The following SLC14A2 variants were observed in gnomAD, a reference collection of about 807,000 sequenced individuals.
The protein encoded by SLC14A2 is urea transporter 2.
SLC14A2 carries 91 observed loss-of-function variants against 104.6 expected under a neutral mutation model. The ratio of observed to expected loss-of-function variants is 0.87; its 90% CI spans 0.73 to 1.04. The LOEUF is 1.04. Among genes scored for constraint, SLC14A2 ranks in the 50% least tolerant of loss-of-function variants. SLC14A2 has a pLI of 0.00. For missense variants in SLC14A2, 1,189 were observed against 1,156.0 expected, an observed-to-expected ratio of 1.03 and a Z score of -0.41; for synonymous variants, 476 against 466.4, an observed-to-expected ratio of 1.02 and a Z score of -0.27.
intron 1 of SLC14A2, among the ~76,000 whole-genome samples, chr18:45,399,157 G>A (rs768943989): frequency 7.9e-5 from 12 of 152,172 alleles, no homozygotes; most frequent in African/African-American, 2.7e-4. Context: ...AGAAACTAAC[G>A]CATGTTCACA....
At chr18:45,560,241 G>A (rs2044183994) in intron 2 of SLC14A2, among the ~76,000 whole-genome samples, 1 of 152,156 alleles carries the variant, frequency 6.6e-6, no homozygotes, top group African/African-American at 2.4e-5. Flanking sequence ...ACCAGCCAAG[G>A]TGTATTATCT....
At chr18:45,475,636 A>C (rs1218441219) in intron 1 of SLC14A2, among the ~76,000 whole-genome samples, 14 of 41,688 alleles carry the variant, frequency 3.4e-4, no homozygotes, top group Admixed American at 6.2e-4. Context: ...ATATATATAT[A>C]TTTAGGATAT....
At chr18:45,654,092 A>G (rs1452296483) in intron 10 of SLC14A2, among the ~76,000 whole-genome samples, 1 of 151,418 alleles carries the variant, frequency 6.6e-6, no homozygotes, top group South Asian at 2.1e-4. Flanking sequence ...AGCTGAAGCT[A>G]GTCCTCCCCA....
rs2043131582 is a variant in SLC14A2, at chr18:45,498,123, TTAAAAA to T, written c.-35+14804_-35+14809del. 5.9e-5 allele frequency among the ~76,000 whole-genome samples: 9 copies of T among 152,258 alleles called. No homozygotes were observed. In the South Asian group the frequency reaches 1.9e-3, roughly 32 times the overall value. On this transcript the variant is annotated intron_variant, in intron 2 of 20. Transcript: ENST00000586448. ...TGTCCAAGGACCAGAAAAAAAAACT[TTAAAAA>T]TAGAAAGTGACAAATATAATCTATT... is the stretch of plus-strand genomic sequence containing the variant.
intron 1 of SLC14A2, among the ~76,000 whole-genome samples, chr18:45,302,988 T>C (rs1430528135): frequency 6.6e-6 from 1 of 151,890 alleles, no homozygotes; most frequent in Non-Finnish European, 1.5e-5. Flanking sequence ...TCTTAGGTTG[T>C]GGTTGATCAA....
intron 10 of SLC14A2, among the ~76,000 whole-genome samples, chr18:45,662,475 T>C (rs2045951190): frequency 6.6e-6 from 1 of 152,176 alleles, no homozygotes. Flanking sequence ...GCTGGAGATC[T>C]TGTTAAAAGC....
At position 45,644,172 on chromosome 18, in the gene SLC14A2, T is replaced by C; in HGVS notation, c.1351+12T>C. On this transcript the variant is annotated intron_variant, in intron 10 of 19. Transcript: ENST00000255226. ...GAAGGCCCCCAGCGGTGAATAGCCA[T>C]GTTCGGGGAAGAAACGCTCTTTGCC... The C allele has an allele frequency of 1.9e-6, 3 of 1,613,772 alleles. No individual in the cohort carries two copies. Among genetic ancestry groups the C allele is most frequent in the South Asian group, 1.1e-5 (1 of 91,052 alleles).
At chr18:45,645,630 C>T (rs369088096) in intron 10 of SLC14A2, among the ~76,000 whole-genome samples, 74 of 8,266 alleles carry the variant, frequency 9.0e-3, no homozygotes, top group Non-Finnish European at 0.013. Flanking sequence ...TATACATATA[C>T]AAAGATATAT....
At chr18:45,289,083 C>T (rs1335241034) in intron 1 of SLC14A2, among the ~76,000 whole-genome samples, 1 of 152,196 alleles carries the variant, frequency 6.6e-6, no homozygotes, top group Non-Finnish European at 1.5e-5. Flanking sequence ...TCTCAGCCAC[C>T]TCAACAAGAA....
At chr18:45,272,654 C>CA (rs2084662737) in intron 1 of SLC14A2, among the ~76,000 whole-genome samples, 1 of 151,680 alleles carries the variant, frequency 6.6e-6, no homozygotes, top group Non-Finnish European at 1.5e-5. Context: ...TTAATGGGTA[C>CA]AAAAAATAGA....
At chr18:45,475,119 C>G (rs1401757047) in intron 1 of SLC14A2, among the ~76,000 whole-genome samples, 1 of 152,092 alleles carries the variant, frequency 6.6e-6, no homozygotes, top group Admixed American at 6.6e-5. Context: ...TTATTTCTGC[C>G]TTAATTTCGT....
chr18:45,489,001 G>T (rs1278705078), intron 2 of SLC14A2, among the ~76,000 whole-genome samples: 2 of 152,152 alleles, frequency 1.3e-5, no homozygotes, highest in Non-Finnish European at 2.9e-5. Context: ...TTTTGAAAAA[G>T]ATTTCCTGCA....
At chr18:45,447,884 A>G (rs1230839038) in intron 1 of SLC14A2, among the ~76,000 whole-genome samples, 2 of 152,250 alleles carry the variant, frequency 1.3e-5, no homozygotes, top group Non-Finnish European at 2.9e-5. Context: ...TTAAAGAATT[A>G]CCACTTCAGT....
At chr18:45,229,953 T>C (rs1425456976) in intron 1 of SLC14A2, among the ~76,000 whole-genome samples, 1 of 152,240 alleles carries the variant, frequency 6.6e-6, no homozygotes, top group African/African-American at 2.4e-5. Flanking sequence ...TCAGTTAATA[T>C]TCTCAGGCCT....
chr18:45,204,620 A>G, the SLC14A2 span, among the ~76,000 whole-genome samples: 1 of 152,214 alleles, frequency 6.6e-6, no homozygotes, highest in African/African-American at 2.4e-5. Flanking sequence ...TAAAAAGCCA[A>G]GTGCTCATTG....
At chr18:45,658,513 G>A (rs1405115478) in intron 10 of SLC14A2, among the ~76,000 whole-genome samples, 5 of 151,962 alleles carry the variant, frequency 3.3e-5, no homozygotes, top group East Asian at 1.9e-4. Context: ...CCTGGAAGGC[G>A]GAGGTTGCAG....
chr18:45,667,795 T>G (rs932284927), intron 13 of SLC14A2, 38 bp from the exon 14 acceptor site: 11 of 1,579,662 alleles, frequency 7.0e-6, no homozygotes, highest in Non-Finnish European at 9.6e-6. Flanking sequence ...CTGCCCACAC[T>G]GAGCACTTGC....
At chr18:45,170,425 CTTTAT>C in the SLC14A2 span, among the ~76,000 whole-genome samples, 1 of 152,118 alleles carries the variant, frequency 6.6e-6, no homozygotes, top group Non-Finnish European at 1.5e-5. Context: ...AAGTAAAGAA[CTTTAT>C]TTTGAGGAGA....
At chr18:45,240,004 T>G (rs1196397291) in intron 1 of SLC14A2, among the ~76,000 whole-genome samples, 2 of 152,136 alleles carry the variant, frequency 1.3e-5, no homozygotes, top group Non-Finnish European at 2.9e-5. Context: ...GCATTTTCTT[T>G]ACTCATTCAT....
Sources: allele counts gnomAD v4.1 joint callset (sites outside exome capture counted in the v4.1 genomes callset), GRCh38; gene constraint gnomAD v4.1.1; transcripts MANE v1.5; gene names NCBI Gene and HGNC (gene_info 2026-07-23, HGNC 2026-07-21).